The following MTR variants were observed in gnomAD, a reference collection of about 807,000 sequenced individuals.
MTR encodes methionine synthase.
Under a neutral mutation model 154.8 loss-of-function variants are expected in MTR, and 84 were observed. That is an observed-to-expected ratio of 0.54 (90% CI 0.45 to 0.65). MTR has a LOEUF of 0.65. MTR is among the 30% of genes least tolerant of loss of function. The pLI is 0.00. For missense variants in MTR, 1,275 were observed against 1,570.2 expected, an observed-to-expected ratio of 0.81 and a Z score of 3.18; for synonymous variants, 554 against 553.9, an observed-to-expected ratio of 1.00 and a Z score of 0.00.
intron 23 of MTR, among the ~76,000 whole-genome samples, chr1:236,874,085 T>A (rs2147879192): frequency 6.6e-6 from 1 of 152,302 alleles, no homozygotes; most frequent in South Asian, 2.1e-4. Context: ...TTAGAACAGT[T>A]GTATGTAGTC....
Position 236,853,098 on chromosome 1 carries a change from C to G in MTR, c.1953+10C>G. ...CTTACGTTATGCCCAGGTAGAGAGA[C>G]AAGTGTTCTAATAGATGGATTTTTC... On this transcript the variant is annotated intron_variant, in intron 18 of 32. Transcript: ENST00000366577. 10 of 1,613,694 alleles carry G rather than the reference C, an allele frequency of 6.2e-6. No homozygotes were observed. The highest frequency in any genetic ancestry group is 1.1e-5 in the South Asian group (1 of 91,068).
At chr1:236,822,131 A>G (rs1487219172) in intron 8 of MTR, among the ~76,000 whole-genome samples, 1 of 152,190 alleles carries the variant, frequency 6.6e-6, no homozygotes, top group Admixed American at 6.5e-5. Context: ...TTGAATATAG[A>G]TCAAGGGTGA....
intron 8 of MTR, chr1:236,820,581 G>T (rs2103078385): frequency 2.7e-4 from 115 of 426,842 alleles, no homozygotes; most frequent in Non-Finnish European, 3.3e-4. Flanking sequence ...ATAAGCGTCA[G>T]TTTCTTAAAA....
chr1:236,873,825 C>G lies in MTR; in HGVS notation c.2458C>G (p.Leu820Val). 9 of 1,614,054 alleles carry G rather than the reference C, an allele frequency of 5.6e-6. No individual in the cohort carries two copies. Among genetic ancestry groups the G allele is most frequent in the Non-Finnish European group, 7.6e-6 (9 of 1,179,914 alleles). The change falls in exon 23 of 33, where the codon CTT becomes GTT. Residue 820 changes from leucine (L) to valine (V), a missense_variant. Physicochemically the swap from Leu to Val is conservative, Grantham distance 32. Coordinates refer to ENST00000366577, the MANE Select transcript of MTR (RefSeq NM_000254.3). Reference protein sequence around the residue: ...TPCDKILKAALDHKADIIGLS... With the variant: ...TPCDKILKAAVDHKADIIGLS... ...ATGTGATAAGATACTGAAAGCTGCT[C>G]TTGACCACAAAGCAGGTACTGTGCA...
intron 1 of MTR, among the ~76,000 whole-genome samples, chr1:236,799,134 C>G: frequency 6.6e-6 from 1 of 151,354 alleles, no homozygotes; most frequent in Admixed American, 6.6e-5. Flanking sequence ...TTTTTTCCCC[C>G]TTTTTCTTGA....
intron 11 of MTR, among the ~76,000 whole-genome samples, chr1:236,828,345 C>A (rs1244427600): frequency 4.6e-5 from 7 of 152,146 alleles, no homozygotes; most frequent in African/African-American, 2.4e-5. Context: ...TATTGCTTAT[C>A]TTTGGATCAG....
intron 6 of MTR, among the ~76,000 whole-genome samples, chr1:236,814,462 T>G (rs1466065001): frequency 6.6e-6 from 1 of 152,228 alleles, no homozygotes; most frequent in East Asian, 1.9e-4. Context: ...ATTATGATTA[T>G]ATGGAACTAA....
At position 236,823,796 on chromosome 1, in the gene MTR, CTTTTTTTTTTTT is replaced by C. The variant is rs59710180; in HGVS notation, c.765-301_765-290del. On this transcript the variant is annotated intron_variant, in intron 8 of 32. Transcript: ENST00000366577. The stretch of plus-strand genomic sequence containing the variant: ...TTTAAATTTTGCTTTCAGGTCAGAT[CTTTTTTTTTTTT>C]TTTTTTTTTTTTTTTTTTTTTAGCA... 3.9e-3 allele frequency among the ~76,000 whole-genome samples: 72 copies of C among 18,438 alleles called. 2 individuals carry two copies. The highest frequency in any genetic ancestry group is 0.016 in the African/African-American group (60 of 3,814). The allele number at this position is 18,438 out of a possible 152,430, so 12.1% of individuals were successfully genotyped here.
Position 236,889,351 on chromosome 1 carries a change from T to A in MTR, c.3007+15T>A. The A allele has an allele frequency of 6.2e-7, 1 of 1,613,942 alleles. No individual in the cohort carries two copies. Among genetic ancestry groups the A allele is most frequent in the Non-Finnish European group, 8.5e-7 (1 of 1,179,850 alleles). On this transcript the variant is annotated intron_variant, in intron 28 of 32. Transcript: ENST00000366577. The stretch of plus-strand genomic sequence containing the variant: ...CAAAACAGTAGGTTAGTGCAGTAAG[T>A]CCTTCCTTTCTGCCTCTGATATTCA...
intron 3 of MTR, 146 bp from the exon 4 acceptor site, chr1:236,808,558 G>C (rs1661118305): frequency 1.2e-6 from 1 of 823,098 alleles, no homozygotes; most frequent in African/African-American, 1.7e-5. Context: ...TGATATGCCT[G>C]CTTGGCTAAG....
Position 236,835,570 on chromosome 1 carries a change from G to C in MTR, c.1212G>C (p.Val404=). Reference sequence around the variant, plus strand: ...AGGAAGCCTTGTGTGTTGCCAAAGTGCAGGTGGAAATGGGAGCCCAGGTGT... The same window carrying C: ...AGGAAGCCTTGTGTGTTGCCAAAGTCCAGGTGGAAATGGGAGCCCAGGTGT... ...NYEEALCVAK[V]QVEMGAQVLD... is the part of the protein sequence containing the mutation. The change falls in exon 14 of 33, where the codon GTG becomes GTC. Residue 404 remains valine, a synonymous_variant. Transcript: ENST00000366577. 1 of 1,611,742 alleles carries C rather than the reference G, an allele frequency of 6.2e-7. No individual in the cohort carries two copies. Among genetic ancestry groups the C allele is most frequent in the East Asian group, 2.2e-5 (1 of 44,822 alleles).
intron 1 of MTR, among the ~76,000 whole-genome samples, chr1:236,802,399 G>T (rs1478314618): frequency 1.3e-5 from 2 of 152,166 alleles, no homozygotes; most frequent in African/African-American, 4.8e-5. Flanking sequence ...GTAATTTCAG[G>T]AGAGTGGTGG....
At chr1:236,894,222 G>T in intron 29 of MTR, 135 bp from the exon 30 acceptor site, 1 of 786,408 alleles carries the variant, frequency 1.3e-6, no homozygotes. Flanking sequence ...ATGTAACAGT[G>T]CACAATACAG....
intron 25 of MTR, among the ~76,000 whole-genome samples, chr1:236,881,764 A>C (rs192651261): frequency 2.6e-5 from 4 of 152,186 alleles, no homozygotes; most frequent in African/African-American, 7.2e-5. Context: ...AAGTTATATA[A>C]TCATCACTAA....
intron 24 of MTR, among the ~76,000 whole-genome samples, chr1:236,875,474 G>GATC (rs1437573573): frequency 5.9e-5 from 9 of 152,200 alleles, no homozygotes; most frequent in Non-Finnish European, 1.3e-4. Context: ...CTGGGATCAT[G>GATC]ATCATAGTGA....
chr1:236,867,359 T>C (rs1664873881), intron 22 of MTR, among the ~76,000 whole-genome samples: 1 of 152,180 alleles, frequency 6.6e-6, no homozygotes, highest in Admixed American at 6.6e-5. Context: ...TTACTGAATA[T>C]TTTAAGCCTA....
chr1:236,823,800 T>C (rs1489531773), intron 8 of MTR, among the ~76,000 whole-genome samples: 1 of 120,496 alleles, frequency 8.3e-6, no homozygotes, highest in Non-Finnish European at 1.8e-5. Flanking sequence ...TCAGATCTTT[T>C]TTTTTTTTTT....
intron 30 of MTR, 88 bp downstream of exon 30, chr1:236,894,645 T>G (rs1666521452): frequency 7.6e-7 from 1 of 1,316,436 alleles, no homozygotes; most frequent in Admixed American, 2.1e-5. Flanking sequence ...TGATCAGCCC[T>G]TAGAACCAGT....
chr1:236,795,683 G>A lies in MTR; in HGVS notation c.-21G>A, dbSNP rs750164666. 1.9e-6 allele frequency: 3 copies of A among 1,613,978 alleles called. No individual in the cohort carries two copies. The South Asian group carries it at 3.3e-5, about 18-fold the overall frequency. On this transcript the variant is annotated 5_prime_UTR_variant, in exon 1 of 33. Coordinates refer to ENST00000366577, the MANE Select transcript of MTR (RefSeq NM_000254.3). Reference sequence around the variant, plus strand: ...ACGTCTTCTCTGCCGCGCCCTCTGCGCAAGGAGGAGACTCGACAACATGTC... The same window carrying A: ...ACGTCTTCTCTGCCGCGCCCTCTGCACAAGGAGGAGACTCGACAACATGTC...
Sources: gnomAD v4.1 joint callset for allele counts (sites outside exome capture counted in the v4.1 genomes callset) on GRCh38, gnomAD v4.1.1 for gene constraint, MANE v1.5 for transcripts, NCBI Gene and HGNC (gene_info 2026-07-23, HGNC 2026-07-21) for gene names.